The following CHRNA7 variants were observed in gnomAD, a reference collection of about 807,000 sequenced individuals.
The protein encoded by CHRNA7 is neuronal acetylcholine receptor subunit alpha-7.
A neutral mutation model predicts 48.0 loss-of-function variants in CHRNA7; 17 were observed. That is an observed-to-expected ratio of 0.35 (90% confidence interval 0.24 to 0.53). The LOEUF (loss-of-function observed/expected upper bound fraction) is 0.53, where lower values mean the gene tolerates loss of function less well. Among genes scored for constraint, CHRNA7 ranks in the 20% least tolerant of loss-of-function variants. The pLI, the probability that CHRNA7 is intolerant of heterozygous loss-of-function variation, is 0.92. For missense variants in CHRNA7, 155 were observed against 577.7 expected, an observed-to-expected ratio of 0.27 and a Z score of 7.50; for synonymous variants, 75 against 242.3, an observed-to-expected ratio of 0.31 and a Z score of 6.41.
chr15:32,114,061 C>CATATAT (rs35944403), intron 4 of CHRNA7, among the ~76,000 whole-genome samples: 36 of 120,200 alleles, frequency 3.0e-4, no homozygotes, highest in South Asian at 1.8e-3. Flanking sequence ...TATATATATA[C>CATATAT]ATATATATAT....
At chr15:32,109,535 A>G (rs1428441068) in intron 3 of CHRNA7, among the ~76,000 whole-genome samples, 2 of 152,174 alleles carry the variant, frequency 1.3e-5, no homozygotes, top group Non-Finnish European at 2.9e-5. Context: ...CTCTGACACA[A>G]TGGTCAGCCT....
At chr15:32,040,176 G>A (rs953295562) in intron 2 of CHRNA7, among the ~76,000 whole-genome samples, 2 of 152,028 alleles carry the variant, frequency 1.3e-5, no homozygotes, top group South Asian at 2.1e-4. Flanking sequence ...GGCACATACA[G>A]TTGGGTCTTG....
At chr15:32,090,456 T>G (rs1186469021) in intron 2 of CHRNA7, among the ~76,000 whole-genome samples, 1 of 152,198 alleles carries the variant, frequency 6.6e-6, no homozygotes, top group Non-Finnish European at 1.5e-5. Context: ...TCATTGCTGG[T>G]TCACACTCAG....
chr15:32,115,422 C>T (rs575424902), intron 4 of CHRNA7, among the ~76,000 whole-genome samples: 2 of 152,214 alleles, frequency 1.3e-5, no homozygotes, highest in South Asian at 2.1e-4. Flanking sequence ...CTCTGCCCCC[C>T]CTTGCTGGCT....
intron 4 of CHRNA7, among the ~76,000 whole-genome samples, chr15:32,138,059 A>C (rs2051304257): frequency 6.6e-6 from 1 of 152,196 alleles, no homozygotes; most frequent in South Asian, 2.1e-4. Flanking sequence ...AACTCCAATG[A>C]AAAAAAGAAG....
At chr15:32,123,902 C>A (rs190530276) in intron 4 of CHRNA7, among the ~76,000 whole-genome samples, 7 of 149,354 alleles carry the variant, frequency 4.7e-5, no homozygotes, top group Admixed American at 1.3e-4. Flanking sequence ...AGCTCCCCCC[C>A]GCCAAAAGAA....
At chr15:32,054,872 G>T (rs2049757984) in intron 2 of CHRNA7, among the ~76,000 whole-genome samples, 1 of 152,214 alleles carries the variant, frequency 6.6e-6, no homozygotes, top group Non-Finnish European at 1.5e-5. Context: ...TCTTCTGACG[G>T]ACAGGAGTAT....
rs138625010 is a variant in CHRNA7 at position 32,073,823 on chromosome 15, G to A, written c.196-27480G>A. Among the ~76,000 whole-genome samples the A allele has an allele frequency of 1.5e-3, 226 of 152,218 alleles. 5 individuals are homozygous for A. The South Asian group carries it at 0.033, about 23-fold the overall frequency. ...CCACAATGATTTTAAGCTTCCTGAG[G>A]CTTCACCAGAAGCAGATGCTGGCAC... On this transcript the variant is annotated intron_variant, in intron 2 of 9. Coordinates refer to ENST00000306901, the MANE Select transcript of CHRNA7 (RefSeq NM_000746.6).
In CHRNA7 at chr15:32,123,902, C is replaced by G. The variant is rs190530276; in HGVS notation, c.350+12003C>G. Among the ~76,000 whole-genome samples, 47 of 149,454 alleles carry G rather than the reference C, an allele frequency of 3.1e-4. No homozygotes were observed. In the East Asian group the frequency reaches 3.9e-3, roughly 13 times the overall value. ...TCAGTTTAATTCCTAAGCTCCCCCC[C>G]GCCAAAAGAATCTATAAGGGTAGAG... is the stretch of plus-strand genomic sequence containing the variant. On this transcript the variant is annotated intron_variant, in intron 4 of 9. Transcript: ENST00000306901.
intron 4 of CHRNA7, among the ~76,000 whole-genome samples, chr15:32,114,042 A>AT (rs1483190422): frequency 1.4e-5 from 1 of 70,348 alleles, no homozygotes; most frequent in African/African-American, 5.4e-5. Context: ...ATATATATAT[A>AT]TGTATATATA....
intron 2 of CHRNA7, among the ~76,000 whole-genome samples, chr15:32,056,740 T>A (rs1224401285): frequency 6.6e-6 from 1 of 152,218 alleles, no homozygotes; most frequent in Admixed American, 6.5e-5. Context: ...TATTTTAACA[T>A]TCTGCTTATG....
chr15:32,037,830 A>G (rs1902165276), intron 2 of CHRNA7, among the ~76,000 whole-genome samples: 1 of 151,692 alleles, frequency 6.6e-6, no homozygotes, highest in African/African-American at 2.4e-5. Flanking sequence ...TGGGTTTTCT[A>G]CATGAACGAT....
chr15:32,124,864 T>A (rs2051037729), intron 4 of CHRNA7, among the ~76,000 whole-genome samples: 1 of 152,166 alleles, frequency 6.6e-6, no homozygotes, highest in Non-Finnish European at 1.5e-5. Flanking sequence ...TGTCTCTGCT[T>A]ATTTGGCCAT....
At chr15:32,064,533 G>C (rs1318173986) in intron 2 of CHRNA7, among the ~76,000 whole-genome samples, 1 of 151,790 alleles carries the variant, frequency 6.6e-6, no homozygotes, top group South Asian at 2.1e-4. Flanking sequence ...CAGGCAGGGG[G>C]TTCCCATATG....
Position 32,149,398 on chromosome 15 carries a change from A to T in CHRNA7, c.351-4509A>T, listed in dbSNP as rs1011558257. Among the ~76,000 whole-genome samples, 1 of 152,080 alleles carries T rather than the reference A, an allele frequency of 6.6e-6. No individual in the cohort carries two copies. The highest frequency in any genetic ancestry group is 1.5e-5 in the Non-Finnish European group (1 of 68,002). Reference sequence around the variant, plus strand: ...AGCTGCGCCGGTGCTGTGGCCACTGAGGTCCTCATAGGGGTTCTGGCCACT... The same window carrying T: ...AGCTGCGCCGGTGCTGTGGCCACTGTGGTCCTCATAGGGGTTCTGGCCACT... On this transcript the variant is annotated intron_variant, in intron 4 of 9. Coordinates refer to ENST00000306901, the MANE Select transcript of CHRNA7 (RefSeq NM_000746.6). The surrounding 1 kb of genome is among the most constrained non-coding windows in gnomAD (Gnocchi z 4.6).
intron 4 of CHRNA7, among the ~76,000 whole-genome samples, chr15:32,152,641 G>C (rs2051654933): frequency 6.6e-6 from 1 of 152,146 alleles, no homozygotes; most frequent in South Asian, 2.1e-4. Flanking sequence ...TGGGGCATAG[G>C]GACTCTTCCT....
intron 8 of CHRNA7, chr15:32,161,473 C>T (rs554889713): frequency 2.6e-5 from 2 of 77,444 alleles, no homozygotes; most frequent in African/African-American, 8.2e-5. Context: ...GGGGCCTAAG[C>T]AACAGACATT....
chr15:32,079,281 A>T (rs2141229743), intron 2 of CHRNA7, among the ~76,000 whole-genome samples: 1 of 152,332 alleles, frequency 6.6e-6, no homozygotes, highest in Non-Finnish European at 1.5e-5. Flanking sequence ...CATTCAACAT[A>T]GTATTGGAAA....
chr15:32,134,162 GTT>G (rs1184841111), intron 4 of CHRNA7, among the ~76,000 whole-genome samples: 1 of 145,202 alleles, frequency 6.9e-6, no homozygotes, highest in African/African-American at 2.5e-5. Flanking sequence ...TTTTTTGTGT[GTT>G]TTTTTTTTTT....
Sources: gnomAD v4.1 joint callset for allele counts (sites outside exome capture counted in the v4.1 genomes callset) on GRCh38, gnomAD v4.1.1 for gene constraint, Gnocchi (gnomAD v3.1) non-coding constraint, MANE v1.5 for transcripts, NCBI Gene and HGNC (gene_info 2026-07-23, HGNC 2026-07-21) for gene names.